FBXW11: variants seen among roughly 807,000 people sequenced by gnomAD.
FBXW11 encodes the protein F-box and WD repeat domain containing 11.
Under a neutral mutation model 77.6 loss-of-function variants are expected in FBXW11, and 19 were observed. That is an observed-to-expected ratio of 0.24 (90% CI 0.17 to 0.36). The LOEUF (loss-of-function observed/expected upper bound fraction) is 0.36. Among genes scored for constraint, FBXW11 ranks in the 10% least tolerant of loss-of-function variants. FBXW11 has a pLI of 1.00. For synonymous variants in FBXW11, 235 were observed against 249.4 expected (o/e 0.94, Z 0.54); for missense variants, 334 against 704.2 (o/e 0.47, Z 5.95).
intron 1 of FBXW11, among the ~76,000 whole-genome samples, chr5:171,969,267 C>A (rs1435883032): frequency 6.6e-6 from 1 of 152,080 alleles, no homozygotes; most frequent in Non-Finnish European, 1.5e-5. Flanking sequence ...GACTCTGTCC[C>A]CCATCACCCC....
chr5:172,004,060 T>C (rs1766577602), intron 1 of FBXW11, among the ~76,000 whole-genome samples: 1 of 152,214 alleles, frequency 6.6e-6, no homozygotes, highest in Non-Finnish European at 1.5e-5. Context: ...AATCGTATTA[T>C]CTTGAAACCA....
At position 171,975,605 on chromosome 5, in the gene FBXW11, T is replaced by G. The variant is rs1157121612; in HGVS notation, c.46-17907A>C. Among the ~76,000 whole-genome samples, 4 of 152,316 alleles carry G rather than the reference T, an allele frequency of 2.6e-5. No individual in the cohort carries two copies. The East Asian group carries it at 5.8e-4, about 22-fold the overall frequency. ...CTATCACTTTGCTATCTACGTGACCTTGGGCAAAAATTAATCACCTCCAGT... is the reference window on the plus strand; with the variant it reads ...CTATCACTTTGCTATCTACGTGACCGTGGGCAAAAATTAATCACCTCCAGT... On this transcript the variant is annotated intron_variant, in intron 1 of 13. Transcript: ENST00000517395.
intron 2 of FBXW11, among the ~76,000 whole-genome samples, chr5:171,937,939 G>GA (rs1203525517): frequency 3.3e-5 from 5 of 150,962 alleles, no homozygotes; most frequent in African/African-American, 1.2e-4. Flanking sequence ...TGACAAACTG[G>GA]AAAAAAAATT....
chr5:171,956,119 C>T (rs1763596071), intron 2 of FBXW11, among the ~76,000 whole-genome samples: 1 of 152,142 alleles, frequency 6.6e-6, no homozygotes, highest in Non-Finnish European at 1.5e-5. Context: ...GGTCAGCCCA[C>T]TAAAAAGCAA....
At chr5:171,897,285 T>C (rs17682767) in intron 6 of FBXW11, among the ~76,000 whole-genome samples, 7,726 of 152,290 alleles carry the variant, frequency 0.051, 295 homozygotes, top group East Asian at 0.12. Context: ...TAGTAGCACA[T>C]ATATCAAAGT....
chr5:171,893,446 A>AAAAAAAAAAAAAAAAAAC (rs1382279919), intron 6 of FBXW11, among the ~76,000 whole-genome samples: 1 of 147,990 alleles, frequency 6.8e-6, no homozygotes, highest in African/African-American at 2.5e-5. Context: ...AAAAAAAAAA[A>AAAAAAAAAAAAAAAAAAC]ACTAACCCAA....
chr5:171,960,486 TCTGCAAGGGTTAATAGTATTTGC>T (rs1763851523), intron 1 of FBXW11, among the ~76,000 whole-genome samples: 1 of 152,220 alleles, frequency 6.6e-6, no homozygotes, highest in African/African-American at 2.4e-5. Context: ...TCAGGTTCCC[TCTGCAAGGGTTAATAGTATTTGC>T]CTCAAAGGGT....
intron 4 of FBXW11, among the ~76,000 whole-genome samples, chr5:171,909,623 G>C (rs1394919883): frequency 6.6e-6 from 1 of 152,110 alleles, no homozygotes; most frequent in Admixed American, 6.5e-5. Context: ...ATTTTGATCT[G>C]AACCTCAAAC....
chr5:171,918,725 T>C (rs1273252397), intron 2 of FBXW11, among the ~76,000 whole-genome samples: 1 of 152,190 alleles, frequency 6.6e-6, no homozygotes, highest in Non-Finnish European at 1.5e-5. Flanking sequence ...TTAGTACTAT[T>C]ACCATTTTGA....
rs1757108159 is a variant in FBXW11 at position 171,861,744 on chromosome 5, T to TA, written c.*2382dup. The TA allele has an allele frequency of 6.5e-6, 1 of 152,700 alleles. No homozygotes were observed. Among genetic ancestry groups the TA allele is most frequent in the African/African-American group, 2.4e-5 (1 of 41,470 alleles). The allele number at this position is 152,700 out of a possible 1,614,324, so 9.5% of individuals were successfully genotyped here. On this transcript the variant is annotated 3_prime_UTR_variant, in exon 14 of 14. Transcript: ENST00000517395. The stretch of plus-strand genomic sequence containing the variant: ...TTCCACAGTACAAAGCTGTCATGAA[T>TA]AATATCTGTACAATTTAACAGTTTC...
intron 7 of FBXW11, among the ~76,000 whole-genome samples, chr5:171,878,603 A>AGTGT (rs34099380): frequency 0.33 from 43,170 of 128,870 alleles, 8,110 homozygotes; most frequent in South Asian, 0.45. Context: ...AGAGAGAGAG[A>AGTGT]GTGTGTGTGT....
At chr5:171,877,231 C>T (rs1302147313) in intron 8 of FBXW11, among the ~76,000 whole-genome samples, 1 of 152,026 alleles carries the variant, frequency 6.6e-6, no homozygotes, top group South Asian at 2.1e-4. Context: ...AAAGATGATT[C>T]CTCTAGATAG....
chr5:171,984,006 A>C (rs1406769639), intron 1 of FBXW11, among the ~76,000 whole-genome samples: 1 of 152,208 alleles, frequency 6.6e-6, no homozygotes, highest in Non-Finnish European at 1.5e-5. Flanking sequence ...ACAGCCACAC[A>C]TAATAAAACG....
intron 2 of FBXW11, among the ~76,000 whole-genome samples, chr5:171,955,724 T>A (rs1385112956): frequency 6.6e-6 from 1 of 151,682 alleles, no homozygotes; most frequent in South Asian, 2.1e-4. Context: ...CTCAATTATA[T>A]ACTAGCAAAA....
chr5:171,993,247 A>G (rs1190750105), intron 1 of FBXW11, among the ~76,000 whole-genome samples: 3 of 151,954 alleles, frequency 2.0e-5, no homozygotes, highest in Non-Finnish European at 4.4e-5. Flanking sequence ...TTGAGTCTTC[A>G]GGTCTCTCTG....
intron 1 of FBXW11, among the ~76,000 whole-genome samples, chr5:171,997,456 C>A (rs72835289): frequency 5.3e-5 from 8 of 152,314 alleles, no homozygotes; most frequent in Non-Finnish European, 1.0e-4. Context: ...AAGAATGATA[C>A]GAGAGGGCTC....
chr5:171,996,440 G>A (rs1766052148), intron 1 of FBXW11, among the ~76,000 whole-genome samples: 1 of 152,180 alleles, frequency 6.6e-6, no homozygotes, highest in African/African-American at 2.4e-5. Context: ...GCCAAGGCAG[G>A]CAAATCATTC....
chr5:171,999,023 G>A (rs1467769581), intron 1 of FBXW11, among the ~76,000 whole-genome samples: 3 of 152,094 alleles, frequency 2.0e-5, no homozygotes, highest in East Asian at 1.9e-4. Flanking sequence ...CTGAAATACC[G>A]GTCTATGATT....
intron 1 of FBXW11, among the ~76,000 whole-genome samples, chr5:171,966,019 G>A (rs956826937): frequency 1.3e-5 from 2 of 152,214 alleles, no homozygotes; most frequent in East Asian, 3.9e-4. Flanking sequence ...AGACATGCTT[G>A]TTTCCCCTTT....
Sources: allele counts gnomAD v4.1 joint callset (sites outside exome capture counted in the v4.1 genomes callset), GRCh38; gene constraint gnomAD v4.1.1; transcripts MANE v1.5; gene names NCBI Gene and HGNC (gene_info 2026-07-23, HGNC 2026-07-21).